Variants in KAZN observed in about 807,000 individuals in gnomAD.
The protein encoded by KAZN is kazrin.
Under a neutral mutation model 87.4 loss-of-function variants are expected in KAZN, and 40 were observed. The ratio of observed to expected loss-of-function variants is 0.46; its 90% CI spans 0.36 to 0.60. The LOEUF is 0.60. Ranked by LOEUF, KAZN falls within the 20% of genes least tolerant of loss-of-function variation. KAZN has a pLI of 0.00. For missense variants in KAZN, 898 were observed against 1,073.9 expected (o/e 0.84, Z 2.29); for synonymous variants, 466 against 458.3 (o/e 1.02, Z -0.22).
intron 2 of KAZN, among the ~76,000 whole-genome samples, chr1:14,315,406 C>T (rs982865286): frequency 6.6e-6 from 1 of 152,082 alleles, no homozygotes; most frequent in African/African-American, 2.4e-5. Flanking sequence ...TATAATACAT[C>T]TAATATTTAA....
chr1:14,400,460 G>A (rs1414771275), intron 2 of KAZN, among the ~76,000 whole-genome samples: 1 of 152,172 alleles, frequency 6.6e-6, no homozygotes, highest in Admixed American at 6.5e-5. Flanking sequence ...TTGTGCAGAT[G>A]TGTGGTCCAA....
At chr1:14,406,269 A>C (rs1663846082) in intron 2 of KAZN, among the ~76,000 whole-genome samples, 1 of 152,170 alleles carries the variant, frequency 6.6e-6, no homozygotes, top group Admixed American at 6.5e-5. Flanking sequence ...TTTAAAAAAT[A>C]AAAATAAAAA....
chr1:14,207,025 G>A (rs1020924752), intron 2 of KAZN, among the ~76,000 whole-genome samples: 3 of 149,926 alleles, frequency 2.0e-5, no homozygotes, highest in Non-Finnish European at 4.4e-5. Context: ...GGGCAGTGGT[G>A]TAATCTCAGC....
chr1:14,857,916 A>G (rs1205674717), intron 1 of KAZN, among the ~76,000 whole-genome samples: 1 of 151,576 alleles, frequency 6.6e-6, no homozygotes, highest in African/African-American at 2.4e-5. Flanking sequence ...CATTTTCATC[A>G]CCCCCAAAAG....
At chr1:14,148,248 A>G (rs1034278162) in intron 1 of KAZN, among the ~76,000 whole-genome samples, 8 of 151,960 alleles carry the variant, frequency 5.3e-5, no homozygotes, top group Non-Finnish European at 8.8e-5. Context: ...CATTTCTAAT[A>G]GAAACTTTAA....
chr1:14,354,022 C>G (rs986683680), intron 2 of KAZN, among the ~76,000 whole-genome samples: 1 of 152,100 alleles, frequency 6.6e-6, no homozygotes, highest in Non-Finnish European at 1.5e-5. Context: ...TAAAAACTAA[C>G]TATAAAGTTA....
intron 2 of KAZN, among the ~76,000 whole-genome samples, chr1:14,570,809 T>C (rs1253512036): frequency 1.3e-5 from 2 of 152,166 alleles, no homozygotes; most frequent in Non-Finnish European, 2.9e-5. Context: ...ACCAAACTGT[T>C]TTTGCAAAGT....
intron 1 of KAZN, among the ~76,000 whole-genome samples, chr1:14,169,298 T>TCTCCC (rs779783700): frequency 3.0e-4 from 45 of 152,024 alleles, no homozygotes; most frequent in Non-Finnish European, 5.7e-4. Context: ...TCTCCTCTTC[T>TCTCCC]CTCCCCTCCC....
At chr1:14,944,382 G>A (rs530568987) in intron 1 of KAZN, among the ~76,000 whole-genome samples, 113 of 152,362 alleles carry the variant, frequency 7.4e-4, no homozygotes, top group Middle Eastern at 3.4e-3. Context: ...GCCTGATGCC[G>A]GGGAGACACA....
At chr1:15,051,657 A>C (rs948724915) in intron 4 of KAZN, among the ~76,000 whole-genome samples, 2 of 152,204 alleles carry the variant, frequency 1.3e-5, no homozygotes, top group African/African-American at 4.8e-5. Context: ...AGGCACGGAG[A>C]GGTGTGGAGC....
chr1:14,382,776 C>G (rs1455981931), intron 2 of KAZN, among the ~76,000 whole-genome samples: 3 of 149,870 alleles, frequency 2.0e-5, no homozygotes, highest in Non-Finnish European at 4.5e-5. Flanking sequence ...CCGCAATAAA[C>G]ATACGTGTGC....
chr1:14,688,182 C>A (rs1641069259), intron 1 of KAZN, among the ~76,000 whole-genome samples: 1 of 152,216 alleles, frequency 6.6e-6, no homozygotes, highest in Non-Finnish European at 1.5e-5. Context: ...AGCTGGGTTA[C>A]AGACAGGCTG....
chr1:15,008,826 G>A (rs1669293782), intron 2 of KAZN, among the ~76,000 whole-genome samples: 1 of 152,156 alleles, frequency 6.6e-6, no homozygotes, highest in East Asian at 1.9e-4. Context: ...GAGCGGCAAG[G>A]CTGAGGTCCC....
intron 1 of KAZN, among the ~76,000 whole-genome samples, chr1:13,997,488 C>G (rs1327743949): frequency 6.6e-6 from 1 of 151,946 alleles, no homozygotes; most frequent in Non-Finnish European, 1.5e-5. Context: ...GTTAGAGGAG[C>G]TGCTAACTAG....
At chr1:14,976,637 G>A (rs1665654757) in intron 2 of KAZN, among the ~76,000 whole-genome samples, 1 of 152,208 alleles carries the variant, frequency 6.6e-6, no homozygotes, top group Non-Finnish European at 1.5e-5. Context: ...CTTCTTGGTT[G>A]GTTTGGCTTC....
chr1:14,259,112 G>A (rs1650808298), intron 2 of KAZN, among the ~76,000 whole-genome samples: 2 of 151,954 alleles, frequency 1.3e-5, no homozygotes, highest in Non-Finnish European at 2.9e-5. Context: ...AGTCACAAAG[G>A]CCGATGGTTT....
intron 8 of KAZN, among the ~76,000 whole-genome samples, chr1:15,082,503 A>G (rs1329216187): frequency 6.6e-6 from 1 of 152,204 alleles, no homozygotes; most frequent in Admixed American, 6.5e-5. Context: ...AGAAGAAAAA[A>G]AATTAATTAA....
intron 1 of KAZN, among the ~76,000 whole-genome samples, chr1:14,830,866 G>T (rs961347218): frequency 6.6e-6 from 1 of 152,138 alleles, no homozygotes; most frequent in East Asian, 1.9e-4. Flanking sequence ...CATATCAAGG[G>T]AGAAATGTGG....
Position 15,072,983 on chromosome 1 carries a change from G to A in KAZN, c.1222+7230G>A, listed in dbSNP as rs545265422. Among the ~76,000 whole-genome samples, 28 of 152,300 alleles carry A rather than the reference G, an allele frequency of 1.8e-4. 1 individual carries two copies. The South Asian group carries it at 5.6e-3, about 30-fold the overall frequency. On this transcript the variant is annotated intron_variant, in intron 8 of 14. Transcript: ENST00000376030. ...GAGGAAGAGACCGGCAAAATATGGG[G>A]TTTGCAAACTGTGTTCCATGGAACC... is the stretch of plus-strand genomic sequence containing the variant.
Sources: allele counts gnomAD v4.1 joint callset (sites outside exome capture counted in the v4.1 genomes callset), GRCh38; gene constraint gnomAD v4.1.1; transcripts MANE v1.5; gene names NCBI Gene and HGNC (gene_info 2026-07-23, HGNC 2026-07-21).